The following RALGAPA2 variants were observed in gnomAD, a reference collection of about 807,000 sequenced individuals.
The protein encoded by RALGAPA2 is Ral GTPase activating protein catalytic subunit alpha 2.
In RALGAPA2, 139 loss-of-function variants were observed where a neutral mutation model predicts 230.4. That is an observed-to-expected ratio of 0.60 (90% CI 0.53 to 0.69). RALGAPA2 has a LOEUF of 0.69. Among genes scored for constraint, RALGAPA2 ranks in the 30% least tolerant of loss-of-function variants. The pLI is 0.00. For missense variants in RALGAPA2, 2,163 were observed against 2,276.0 expected (o/e 0.95, Z 1.01); for synonymous variants, 847 against 837.8 (o/e 1.01, Z -0.19).
chr20:20,583,122 T>C lies in RALGAPA2; in HGVS notation c.2635A>G (p.Thr879Ala), dbSNP rs1293704922. ...CEEDPELNTP[T>A]DVVADADARH... ...GCATCAGCATCAGCCACAACATCTG[T>C]GGGAGTATTCAGTTCTGGGTCTTCC... Residue 879 changes from threonine (T) to alanine (A), a missense_variant, in exon 20 of 40, where the codon ACA becomes GCA. Transcript: ENST00000202677. 6.2e-7 allele frequency: 1 copy of C among 1,613,730 alleles called. No individual in the cohort carries two copies. The highest frequency in any genetic ancestry group is 1.1e-5 in the South Asian group (1 of 91,078).
intron 23 of RALGAPA2, among the ~76,000 whole-genome samples, chr20:20,555,813 T>C (rs1222779473): frequency 6.6e-6 from 1 of 152,218 alleles, no homozygotes; most frequent in Non-Finnish European, 1.5e-5. Flanking sequence ...TGTGTGTGTA[T>C]TTCTTGAGGT....
At chr20:20,567,520 A>C (rs1323723383) in intron 23 of RALGAPA2, among the ~76,000 whole-genome samples, 1 of 152,244 alleles carries the variant, frequency 6.6e-6, no homozygotes, top group Non-Finnish European at 1.5e-5. Context: ...CAGGCAAAAT[A>C]AAACGGAAGG....
chr20:20,609,565 C>G (rs937017468), intron 14 of RALGAPA2, among the ~76,000 whole-genome samples: 2 of 152,106 alleles, frequency 1.3e-5, no homozygotes, highest in African/African-American at 4.8e-5. Context: ...AATCCGAACC[C>G]CAGAATAGAT....
chr20:20,406,463 A>C (rs969393059), intron 38 of RALGAPA2, among the ~76,000 whole-genome samples: 1 of 152,204 alleles, frequency 6.6e-6, no homozygotes. Flanking sequence ...CTGTGTCCAG[A>C]AGGGATTATG....
chr20:20,622,332 C>T (rs1326754719), intron 10 of RALGAPA2, among the ~76,000 whole-genome samples: 1 of 150,684 alleles, frequency 6.6e-6, no homozygotes, highest in Non-Finnish European at 1.5e-5. Flanking sequence ...GAGAATTTAG[C>T]CAAAATGGGT....
At chr20:20,414,219 G>A (rs549500966) in intron 37 of RALGAPA2, among the ~76,000 whole-genome samples, 6 of 152,242 alleles carry the variant, frequency 3.9e-5, no homozygotes, top group East Asian at 1.9e-4. Flanking sequence ...CGCTGTCAAC[G>A]CTCAATTCAT....
chr20:20,586,703 C>A lies in RALGAPA2; in HGVS notation c.2440-1748G>T, dbSNP rs376584287. Among the ~76,000 whole-genome samples, 6 of 151,848 alleles carry A rather than the reference C, an allele frequency of 4.0e-5. No individual in the cohort carries two copies. In the East Asian group the frequency reaches 5.8e-4, roughly 15 times the overall value. ...CTGTCAGAAATAAAAGGCATAATTG[C>A]TAAACTAAAAAATTCAATGGAAATA... On this transcript the variant is annotated intron_variant, in intron 18 of 39. Coordinates refer to ENST00000202677, the MANE Select transcript of RALGAPA2 (RefSeq NM_020343.4).
chr20:20,495,012 T>C, intron 36 of RALGAPA2, 105 bp downstream of exon 36: 3 of 1,046,762 alleles, frequency 2.9e-6, no homozygotes, highest in Non-Finnish European at 4.1e-6. Context: ...ATTCAACAAC[T>C]GGATGAGAGT....
rs374579440 is a variant in RALGAPA2 at position 20,530,576 on chromosome 20, A to G, written c.3582+1111T>C. On this transcript the variant is annotated intron_variant, in intron 27 of 39. Transcript: ENST00000202677. ...CTGGTCATCCTATGGGCAGAAGCAGATAATGCACAAAGGGTGGTACAGAGA... is the reference window on the plus strand; with the variant it reads ...CTGGTCATCCTATGGGCAGAAGCAGGTAATGCACAAAGGGTGGTACAGAGA... Among the ~76,000 whole-genome samples, 6 of 152,194 alleles carry G rather than the reference A, an allele frequency of 3.9e-5. No homozygotes were observed. In the East Asian group the frequency reaches 5.8e-4, roughly 15 times the overall value.
intron 14 of RALGAPA2, among the ~76,000 whole-genome samples, chr20:20,608,896 T>TTG (rs751183020): frequency 4.2e-4 from 64 of 152,352 alleles, no homozygotes; most frequent in Admixed American, 7.8e-4. Flanking sequence ...AGTCATGTGC[T>TTG]CAAGGCCACA....
At chr20:20,517,028 G>A (rs143846552) in intron 31 of RALGAPA2, among the ~76,000 whole-genome samples, 2 of 152,158 alleles carry the variant, frequency 1.3e-5, no homozygotes, top group African/African-American at 4.8e-5. Context: ...TCGTGGAGAA[G>A]GGGTCCTTGT....
chr20:20,449,566 C>T (rs909898845), intron 37 of RALGAPA2, among the ~76,000 whole-genome samples: 2 of 152,158 alleles, frequency 1.3e-5, no homozygotes, highest in African/African-American at 4.8e-5. Context: ...CTAATGTGGG[C>T]ATTAAGATTA....
chr20:20,512,476 A>G, intron 32 of RALGAPA2, 37 bp downstream of exon 32: 1 of 1,486,514 alleles, frequency 6.7e-7, no homozygotes, highest in South Asian at 1.4e-5. Flanking sequence ...CATGAAAATA[A>G]TGATAAAATA....
At chr20:20,645,687 A>G (rs2067189246) in intron 4 of RALGAPA2, among the ~76,000 whole-genome samples, 1 of 152,224 alleles carries the variant, frequency 6.6e-6, no homozygotes, top group South Asian at 2.1e-4. Flanking sequence ...CTTAGCAGTT[A>G]TAAGTCAGAT....
At position 20,530,031 on chromosome 20, in the gene RALGAPA2, T is replaced by C. The variant is rs181724181; in HGVS notation, c.3582+1656A>G. On this transcript the variant is annotated intron_variant, in intron 27 of 39. Transcript: ENST00000202677. ...TTGGAATCTACATTGATCTATAATT[T>C]ATAGCCAACTTGTTTTCACTTTAAT... 6.5e-3 allele frequency among the ~76,000 whole-genome samples: 995 copies of C among 152,386 alleles called. 4 individuals are homozygous for C. Among genetic ancestry groups the C allele is most frequent in the Middle Eastern group, 0.014 (4 of 294 alleles).
chr20:20,666,000 T>C (rs946551752), intron 3 of RALGAPA2, among the ~76,000 whole-genome samples: 1 of 152,364 alleles, frequency 6.6e-6, no homozygotes, highest in Non-Finnish European at 1.5e-5. Flanking sequence ...AATAATGTTA[T>C]CATTTGGAGT....
At chr20:20,634,653 C>T (rs1001902300) in intron 9 of RALGAPA2, among the ~76,000 whole-genome samples, 15 of 152,132 alleles carry the variant, frequency 9.9e-5, no homozygotes, top group Non-Finnish European at 1.8e-4. Flanking sequence ...TCTAGGGCAT[C>T]GGCAAATCTG....
intron 38 of RALGAPA2, among the ~76,000 whole-genome samples, chr20:20,406,133 G>C (rs548856836): frequency 6.6e-6 from 1 of 152,202 alleles, no homozygotes; most frequent in Non-Finnish European, 1.5e-5. Flanking sequence ...GTGGTTCTCA[G>C]TCCTGCCTGC....
At position 20,583,228 on chromosome 20, in the gene RALGAPA2, T is replaced by C. The variant is rs2065039590; in HGVS notation, c.2531-2A>G. The C allele has an allele frequency of 1.9e-6, 3 of 1,585,132 alleles. No homozygotes were observed. Among genetic ancestry groups the C allele is most frequent in the African/African-American group, 2.7e-5 (2 of 73,726 alleles). On this transcript the variant is annotated splice_acceptor_variant, in intron 19 of 39. Transcript: ENST00000202677. LOFTEE classifies it high-confidence loss of function. ...TTGTGTCACTGTTGGTACTTTCACC[T>C]GGTACAATGGAAGAACCAAAGTTTA...
Sources: gnomAD v4.1 joint callset for allele counts (sites outside exome capture counted in the v4.1 genomes callset) on GRCh38, gnomAD v4.1.1 for gene constraint, MANE v1.5 for transcripts, NCBI Gene and HGNC (gene_info 2026-07-23, HGNC 2026-07-21) for gene names.